Variants in COL6A6 observed in about 807,000 individuals in gnomAD.
The protein encoded by COL6A6 is collagen type VI alpha 6 chain.
COL6A6 carries 183 observed loss-of-function variants against 208.6 expected under a neutral mutation model. That is an observed-to-expected ratio of 0.88 (90% CI 0.78 to 0.99). The LOEUF is 0.99. Among genes scored for constraint, COL6A6 ranks in the 50% least tolerant of loss-of-function variants. COL6A6 has a pLI of 0.00. For missense variants in COL6A6, 2,816 were observed against 2,815.2 expected (o/e 1.00, Z -0.01); for synonymous variants, 973 against 1,011.8 (o/e 0.96, Z 0.73).
At chr3:130,535,920 T>C (rs1193522239) in intron 1 of COL6A6, among the ~76,000 whole-genome samples, 1 of 152,204 alleles carries the variant, frequency 6.6e-6, no homozygotes, top group Non-Finnish European at 1.5e-5. Flanking sequence ...CTTAGAAAAG[T>C]TACCTAGCTT....
At position 130,666,011 on chromosome 3, in the gene COL6A6, A is replaced by G. The variant is rs753966317; in HGVS notation, c.6596+915A>G. Among the ~76,000 whole-genome samples the G allele has an allele frequency of 6.7e-4, 102 of 152,210 alleles. 1 individual carries two copies. The highest frequency in any genetic ancestry group is 3.2e-3 in the Middle Eastern group (1 of 316). ...AAATGAGCGTCTTGGTGGACCTCAG[A>G]TAGGATGTTTAATCCAAGTCTAATA... On this transcript the variant is annotated intron_variant, in intron 36 of 36. Coordinates refer to ENST00000358511, the MANE Select transcript of COL6A6 (RefSeq NM_001102608.3).
intron 11 of COL6A6, among the ~76,000 whole-genome samples, chr3:130,587,021 C>T (rs1043483063): frequency 6.6e-6 from 1 of 152,156 alleles, no homozygotes; most frequent in Non-Finnish European, 1.5e-5. Context: ...CCAGTTTTCA[C>T]ACCGCTTGCA....
intron 11 of COL6A6, among the ~76,000 whole-genome samples, chr3:130,588,243 G>A (rs983007776): frequency 1.3e-5 from 2 of 152,140 alleles, no homozygotes; most frequent in Non-Finnish European, 2.9e-5. Context: ...TATAACAAAA[G>A]ATTTTCATTT....
chr3:130,573,095 T>C (rs1375442353), intron 7 of COL6A6, among the ~76,000 whole-genome samples: 1 of 152,212 alleles, frequency 6.6e-6, no homozygotes, highest in Non-Finnish European at 1.5e-5. Flanking sequence ...AAGGGGCTGA[T>C]AAAAAGGAAA....
At chr3:130,557,022 G>C (rs1430606363) in intron 1 of COL6A6, among the ~76,000 whole-genome samples, 1 of 152,114 alleles carries the variant, frequency 6.6e-6, no homozygotes, top group Admixed American at 6.5e-5. Flanking sequence ...TTAAGGTGTG[G>C]AACTGCTTGG....
chr3:130,551,631 GTT>G (rs1361426497), intron 1 of COL6A6, among the ~76,000 whole-genome samples: 1,288 of 123,312 alleles, frequency 0.01, 11 homozygotes, highest in Middle Eastern at 0.037. Flanking sequence ...GATCTTTTGG[GTT>G]TTTTTTTTTT....
chr3:130,639,421 G>A (rs1285141700), intron 28 of COL6A6, among the ~76,000 whole-genome samples: 1 of 152,082 alleles, frequency 6.6e-6, no homozygotes, highest in Non-Finnish European at 1.5e-5. Context: ...GGTCAGGTGC[G>A]GTGGCTCACG....
chr3:130,618,191 G>A (rs1285438367), intron 23 of COL6A6, among the ~76,000 whole-genome samples: 1 of 152,164 alleles, frequency 6.6e-6, no homozygotes, highest in African/African-American at 2.4e-5. Flanking sequence ...CAGAGCAGCA[G>A]GCATAGTGGC....
At chr3:130,644,591 G>C (rs1001129149) in intron 31 of COL6A6, among the ~76,000 whole-genome samples, 1 of 152,090 alleles carries the variant, frequency 6.6e-6, no homozygotes, top group East Asian at 1.9e-4. Context: ...ATACATTTGT[G>C]TGTATGTGTG....
chr3:130,596,967 C>T (rs373666317), intron 18 of COL6A6, among the ~76,000 whole-genome samples: 23 of 152,098 alleles, frequency 1.5e-4, no homozygotes, highest in South Asian at 4.1e-4. Flanking sequence ...CAGTTGTATA[C>T]GTATAGAAAG....
chr3:130,536,530 A>G (rs1285885807), intron 1 of COL6A6, among the ~76,000 whole-genome samples: 1 of 152,238 alleles, frequency 6.6e-6, no homozygotes, highest in Admixed American at 6.5e-5. Context: ...TTGGGAGTAG[A>G]CGGGTAGAGA....
At chr3:130,617,085 A>C (rs967593171) in intron 23 of COL6A6, among the ~76,000 whole-genome samples, 10 of 152,212 alleles carry the variant, frequency 6.6e-5, no homozygotes, top group African/African-American at 2.4e-4. Flanking sequence ...CCATGATAGT[A>C]ATATAACAAT....
chr3:130,634,544 T>C (rs2065052411), intron 26 of COL6A6, 46 bp from the exon 27 acceptor site: 3 of 1,540,572 alleles, frequency 1.9e-6, no homozygotes, highest in South Asian at 1.2e-5. Flanking sequence ...GTAGACTTCA[T>C]TGGGTGATGT....
At chr3:130,627,020 G>T (rs971390329) in intron 25 of COL6A6, among the ~76,000 whole-genome samples, 7 of 152,108 alleles carry the variant, frequency 4.6e-5, no homozygotes, top group East Asian at 1.9e-4. Flanking sequence ...CTTATTGAAA[G>T]ATTATTATAT....
intron 23 of COL6A6, among the ~76,000 whole-genome samples, chr3:130,618,926 AG>A (rs1465166081): frequency 6.6e-6 from 1 of 152,244 alleles, no homozygotes. Flanking sequence ...AAGAATGGAG[AG>A]TAGGCTTCTA....
chr3:130,663,280 G>C (rs560405140), intron 35 of COL6A6, among the ~76,000 whole-genome samples: 1 of 152,280 alleles, frequency 6.6e-6, no homozygotes, highest in South Asian at 2.1e-4. Flanking sequence ...TCTAGAACCA[G>C]TAGTACCAGT....
Position 130,662,215 on chromosome 3 carries a change from T to G in COL6A6, c.6409T>G (p.Leu2137Val), listed in dbSNP as rs557527574. The G allele has an allele frequency of 4.0e-5, 65 of 1,614,014 alleles. 1 individual carries two copies. In the South Asian group the frequency reaches 6.4e-4, roughly 16 times the overall value. The change falls in exon 35 of 37, where the codon TTG becomes GTG. Residue 2137 changes from leucine to valine, a missense_variant. Leu to Val is a conservative substitution (Grantham distance 32). Transcript: ENST00000358511. ...ACTGGAGGATCTCGCCAGCCACCCT[T>G]TGGATCACCACCTGGTCCAGCTTGG... ...KELEDLASHP[L>V]DHHLVQLGRI...
intron 1 of COL6A6, among the ~76,000 whole-genome samples, chr3:130,543,629 T>G (rs2062426371): frequency 6.6e-6 from 1 of 152,222 alleles, no homozygotes; most frequent in South Asian, 2.1e-4. Flanking sequence ...TAAGATATAA[T>G]AATTTTAATT....
chr3:130,638,449 C>T (rs899904460), intron 28 of COL6A6, among the ~76,000 whole-genome samples: 3 of 152,188 alleles, frequency 2.0e-5, no homozygotes, highest in South Asian at 2.1e-4. Flanking sequence ...GATGGAGGTT[C>T]GTCTGTGGCT....
Sources: allele counts gnomAD v4.1 joint callset (sites outside exome capture counted in the v4.1 genomes callset), GRCh38; gene constraint gnomAD v4.1.1; transcripts MANE v1.5; gene names NCBI Gene and HGNC (gene_info 2026-07-23, HGNC 2026-07-21).